REEP3: variants seen among roughly 807,000 people sequenced by gnomAD.
REEP3 encodes the protein receptor expression-enhancing protein 3.
Under a neutral mutation model 41.3 loss-of-function variants are expected in REEP3, and 20 were observed. That is an observed-to-expected ratio of 0.48 (90% confidence interval 0.34 to 0.70). The LOEUF is 0.70. REEP3 is among the 30% of genes least tolerant of loss of function. The pLI is 0.01. For missense variants in REEP3, 271 were observed against 308.8 expected, an observed-to-expected ratio of 0.88 and a Z score of 0.92; for synonymous variants, 104 against 101.8, an observed-to-expected ratio of 1.02 and a Z score of -0.13.
At chr10:63,559,553 A>G (rs61579729) in intron 1 of REEP3, among the ~76,000 whole-genome samples, 18,516 of 152,238 alleles carry the variant, frequency 0.12, 1,406 homozygotes, top group East Asian at 0.28. Context: ...GGAAAATATC[A>G]TTAGGAAGTA....
chr10:63,535,017 G>T (rs1955461522), intron 1 of REEP3, among the ~76,000 whole-genome samples: 1 of 151,986 alleles, frequency 6.6e-6, no homozygotes, highest in African/African-American at 2.4e-5. Context: ...TTTATCTCTG[G>T]GTTTTTCTTT....
At chr10:63,551,444 G>C (rs993989458) in intron 1 of REEP3, among the ~76,000 whole-genome samples, 1 of 152,096 alleles carries the variant, frequency 6.6e-6, no homozygotes, top group African/African-American at 2.4e-5. Context: ...CAAGGAAATG[G>C]AGCATCACTC....
At chr10:63,614,470 T>C (rs547185030) in intron 6 of REEP3, among the ~76,000 whole-genome samples, 1 of 152,296 alleles carries the variant, frequency 6.6e-6, no homozygotes, top group East Asian at 1.9e-4. Flanking sequence ...ATCTGCTGTC[T>C]GAGCTGAAAA....
intron 1 of REEP3, among the ~76,000 whole-genome samples, chr10:63,559,223 C>T (rs1955719087): frequency 6.6e-6 from 1 of 152,072 alleles, no homozygotes; most frequent in Non-Finnish European, 1.5e-5. Flanking sequence ...GAAAGTATAG[C>T]TAGTTCAGAA....
chr10:63,529,486 T>C (rs1344235075), intron 1 of REEP3, among the ~76,000 whole-genome samples: 8 of 152,210 alleles, frequency 5.3e-5, no homozygotes, highest in Admixed American at 5.2e-4. Flanking sequence ...GAGACAGGGT[T>C]TCACTCTGTC....
chr10:63,596,760 C>T (rs1956118726), intron 3 of REEP3, among the ~76,000 whole-genome samples: 1 of 152,156 alleles, frequency 6.6e-6, no homozygotes, highest in South Asian at 2.1e-4. Flanking sequence ...TTGCTGGGGT[C>T]AGGTCACTTT....
chr10:63,538,176 T>C (rs542427319), intron 1 of REEP3, among the ~76,000 whole-genome samples: 1 of 152,336 alleles, frequency 6.6e-6, no homozygotes, highest in Admixed American at 6.5e-5. Flanking sequence ...TGCTTCTTAT[T>C]TTTCATGATA....
intron 1 of REEP3, among the ~76,000 whole-genome samples, chr10:63,549,140 A>G (rs991272795): frequency 2.6e-5 from 4 of 152,216 alleles, no homozygotes; most frequent in African/African-American, 9.7e-5. Context: ...CTCATGGGGC[A>G]TGTTGGGCAA....
Position 63,598,754 on chromosome 10 carries a change from A to G in REEP3, c.304-416A>G, listed in dbSNP as rs368186293. On this transcript the variant is annotated intron_variant, in intron 4 of 7. Coordinates refer to ENST00000373758, the MANE Select transcript of REEP3 (RefSeq NM_001001330.3). The stretch of plus-strand genomic sequence containing the variant: ...AGCCGAGATTGCACAACTGCACTCC[A>G]GCCTGGACAAGAGAGCGAGACTCCA... Among the ~76,000 whole-genome samples, 49 of 147,578 alleles carry G rather than the reference A, an allele frequency of 3.3e-4. 1 individual carries two copies. In the South Asian group the frequency reaches 0.011, roughly 34 times the overall value.
chr10:63,521,703 T>A (rs1955251644), intron 1 of REEP3, 126 bp downstream of exon 1: 1 of 572,552 alleles, frequency 1.7e-6, no homozygotes, highest in South Asian at 5.9e-5. Context: ...GCCTCGGGCC[T>A]GCCGAGGGTC....
chr10:63,596,680 A>G (rs1281717910), intron 3 of REEP3, among the ~76,000 whole-genome samples: 1 of 152,246 alleles, frequency 6.6e-6, no homozygotes, highest in Non-Finnish European at 1.5e-5. Context: ...CCATAAAAGT[A>G]CAGTGGCTTA....
At position 63,613,307 on chromosome 10, in the gene REEP3, G is replaced by A. The variant is rs1589889694; in HGVS notation, c.565+2973G>A. Reference sequence around the variant, plus strand: ...TTACAGGCGTGAGCCACTGTGCCTGGCCACCTACCAAATTTTATATCTATG... The same window carrying A: ...TTACAGGCGTGAGCCACTGTGCCTGACCACCTACCAAATTTTATATCTATG... On this transcript the variant is annotated intron_variant, in intron 6 of 7. Coordinates refer to ENST00000373758, the MANE Select transcript of REEP3 (RefSeq NM_001001330.3). Among the ~76,000 whole-genome samples, 5 of 152,242 alleles carry A rather than the reference G, an allele frequency of 3.3e-5. 2 individuals carry two copies. Among genetic ancestry groups the A allele is most frequent in the Admixed American group, 3.3e-4 (5 of 15,294 alleles).
intron 1 of REEP3, among the ~76,000 whole-genome samples, chr10:63,555,337 T>G (rs1372902877): frequency 1.3e-5 from 2 of 152,224 alleles, no homozygotes; most frequent in East Asian, 3.8e-4. Flanking sequence ...TTAACCATTG[T>G]TTTACTAAAT....
intron 1 of REEP3, among the ~76,000 whole-genome samples, chr10:63,552,131 A>C (rs1338277096): frequency 6.6e-6 from 1 of 152,198 alleles, no homozygotes; most frequent in African/African-American, 2.4e-5. Context: ...GGGGCCGGGC[A>C]CAGTGGCTCA....
intron 1 of REEP3, among the ~76,000 whole-genome samples, chr10:63,560,759 G>A (rs1368279407): frequency 1.3e-5 from 2 of 152,116 alleles, no homozygotes; most frequent in African/African-American, 4.8e-5. Flanking sequence ...TTATCTTGTA[G>A]GTGGCCCTGT....
At chr10:63,574,747 G>A (rs1564482420) in intron 2 of REEP3, among the ~76,000 whole-genome samples, 1 of 150,030 alleles carries the variant, frequency 6.7e-6, no homozygotes, top group African/African-American at 2.5e-5. Flanking sequence ...TCTTCTCAGT[G>A]ATGGTTCTTG....
At chr10:63,601,019 G>T (rs972681973) in intron 5 of REEP3, among the ~76,000 whole-genome samples, 5 of 151,374 alleles carry the variant, frequency 3.3e-5, no homozygotes, top group African/African-American at 4.8e-5. Flanking sequence ...TGGGCGTGGT[G>T]GGGGGGCGCC....
intron 1 of REEP3, 35 bp downstream of exon 1, chr10:63,521,612 G>C: frequency 1.4e-6 from 2 of 1,381,916 alleles, no homozygotes; most frequent in Admixed American, 2.7e-5. Context: ...CAGCCGGCGC[G>C]AGGCCCAGGG....
rs540777639 is a variant in REEP3, at chr10:63,622,551, G to T, written c.*1682G>T. Reference sequence around the variant, plus strand: ...ATTCTAATTGTAAATTATCGGAACAGAGTTTTATTTATATGACCTGGTACT... The same window carrying T: ...ATTCTAATTGTAAATTATCGGAACATAGTTTTATTTATATGACCTGGTACT... On this transcript the variant is annotated 3_prime_UTR_variant, in exon 8 of 8. Coordinates refer to ENST00000373758, the MANE Select transcript of REEP3 (RefSeq NM_001001330.3). 5 of 152,024 alleles carry T rather than the reference G, an allele frequency of 3.3e-5. No individual in the cohort carries two copies. Among genetic ancestry groups the T allele is most frequent in the African/African-American group, 9.7e-5 (4 of 41,376 alleles). The allele number at this position is 152,024 out of a possible 1,614,324, so 9.4% of individuals were successfully genotyped here. A position where few individuals can be genotyped will look rare whatever the true frequency, so the allele number is the denominator to read the frequency against.
Sources: allele counts gnomAD v4.1 joint callset (sites outside exome capture counted in the v4.1 genomes callset), GRCh38; gene constraint gnomAD v4.1.1; transcripts MANE v1.5; gene names NCBI Gene and HGNC (gene_info 2026-07-23, HGNC 2026-07-21).